The following EPHA3 variants were observed in gnomAD, a reference collection of about 807,000 sequenced individuals.
EPHA3 encodes the protein ephrin type-A receptor 3.
In EPHA3, 42 loss-of-function variants were observed where a neutral mutation model predicts 107.1. The ratio of observed to expected loss-of-function variants is 0.39; its 90% CI spans 0.31 to 0.51. The LOEUF is 0.51. EPHA3 is among the 20% of genes least tolerant of loss of function. EPHA3 has a pLI of 0.78. For missense variants in EPHA3, 1,183 were observed against 1,211.2 expected (o/e 0.98, Z 0.35); for synonymous variants, 461 against 424.8 (o/e 1.09, Z -1.05).
At chr3:89,364,800 AT>A (rs1274255086) in intron 5 of EPHA3, among the ~76,000 whole-genome samples, 1 of 151,146 alleles carries the variant, frequency 6.6e-6, no homozygotes, top group African/African-American at 2.4e-5. Flanking sequence ...TAATACAGAG[AT>A]TGTACTTAAA....
In EPHA3 at chr3:89,169,009, A is replaced by C. The variant is rs1705147777; in HGVS notation, c.154-40851A>C. On this transcript the variant is annotated intron_variant, in intron 2 of 16. Transcript: ENST00000336596. ...AGAACACAATATATTCGCATTTTTCAGTAGAATAAACACTAACAATTGTCT... is the reference window on the plus strand; with the variant it reads ...AGAACACAATATATTCGCATTTTTCCGTAGAATAAACACTAACAATTGTCT... Among the ~76,000 whole-genome samples the C allele has an allele frequency of 2.6e-5, 4 of 152,294 alleles. No individual in the cohort carries two copies. In the South Asian group the frequency reaches 8.3e-4, roughly 32 times the overall value.
intron 2 of EPHA3, among the ~76,000 whole-genome samples, chr3:89,176,208 A>C (rs1196152564): frequency 2.6e-5 from 4 of 152,140 alleles, no homozygotes; most frequent in Non-Finnish European, 5.9e-5. Context: ...GTGGCTGGAC[A>C]TGGTGGCTCA....
At chr3:89,361,493 C>T (rs1559664452) in intron 5 of EPHA3, among the ~76,000 whole-genome samples, 1 of 150,988 alleles carries the variant, frequency 6.6e-6, no homozygotes, top group Non-Finnish European at 1.5e-5. Context: ...AGCTGTGTCC[C>T]ATTACATATT....
At position 89,414,840 on chromosome 3, in the gene EPHA3, G is replaced by A. The variant is rs180879439; in HGVS notation, c.1888+1574G>A. Among the ~76,000 whole-genome samples, 3 of 151,620 alleles carry A rather than the reference G, an allele frequency of 2.0e-5. No homozygotes were observed. In the East Asian group the frequency reaches 5.8e-4, roughly 30 times the overall value. On this transcript the variant is annotated intron_variant, in intron 10 of 16. Transcript: ENST00000336596. ...CAGCTGATAAATGAGATAAGGGGAG[G>A]TCTATTTATACTGAATCACTTAATC... is the stretch of plus-strand genomic sequence containing the variant.
intron 3 of EPHA3, among the ~76,000 whole-genome samples, chr3:89,237,543 C>G (rs1372311279): frequency 6.6e-6 from 1 of 152,162 alleles, no homozygotes; most frequent in Non-Finnish European, 1.5e-5. Context: ...CTAAGAGTTT[C>G]TGCCCTATGA....
chr3:89,414,026 G>C (rs950569649), intron 10 of EPHA3, among the ~76,000 whole-genome samples: 22 of 151,512 alleles, frequency 1.5e-4, no homozygotes, highest in African/African-American at 5.1e-4. Context: ...AAAAAATTTT[G>C]TACCATCATC....
chr3:89,133,094 G>T (rs933783419), intron 2 of EPHA3, among the ~76,000 whole-genome samples: 1 of 152,100 alleles, frequency 6.6e-6, no homozygotes, highest in Non-Finnish European at 1.5e-5. Context: ...AAGCTTTGAG[G>T]TTCTCCCATT....
intron 3 of EPHA3, among the ~76,000 whole-genome samples, chr3:89,213,143 A>G (rs540969657): frequency 9.9e-5 from 15 of 152,118 alleles, no homozygotes; most frequent in African/African-American, 3.4e-4. Flanking sequence ...GTCTGTGTGC[A>G]CAATCAGAAG....
At chr3:89,291,916 A>T (rs1706215439) in intron 3 of EPHA3, among the ~76,000 whole-genome samples, 1 of 152,194 alleles carries the variant, frequency 6.6e-6, no homozygotes, top group Admixed American at 6.5e-5. Flanking sequence ...GTATGGTAGC[A>T]TCAATGTCTA....
chr3:89,224,780 C>T (rs973249422), intron 3 of EPHA3, among the ~76,000 whole-genome samples: 9 of 151,756 alleles, frequency 5.9e-5, no homozygotes, highest in African/African-American at 1.9e-4. Context: ...ATCCTGGAGG[C>T]GGAGGTTGCA....
intron 7 of EPHA3, among the ~76,000 whole-genome samples, chr3:89,401,139 A>G (rs1708953838): frequency 6.6e-6 from 1 of 152,244 alleles, no homozygotes; most frequent in Non-Finnish European, 1.5e-5. Flanking sequence ...CATTCTAGTT[A>G]TATAGTATTT....
At chr3:89,409,238 T>G (rs1459141409) in intron 9 of EPHA3, among the ~76,000 whole-genome samples, 2 of 152,054 alleles carry the variant, frequency 1.3e-5, no homozygotes, top group African/African-American at 4.8e-5. Context: ...CCAGATTAAT[T>G]AGGTGACCAA....
chr3:89,179,333 G>A (rs1455031797), intron 2 of EPHA3, among the ~76,000 whole-genome samples: 1 of 151,968 alleles, frequency 6.6e-6, no homozygotes, highest in Non-Finnish European at 1.5e-5. Context: ...TATCAGAGAA[G>A]GGGTTTTAAA....
rs1710622584 is a variant in EPHA3, at chr3:89,481,555, C to T, written c.*2053C>T. ...ACTATTCTGAGCATACTCAACAAAA[C>T]CCATGCATTTCATAAACTAATAGAA... is the stretch of plus-strand genomic sequence containing the variant. On this transcript the variant is annotated 3_prime_UTR_variant, in exon 17 of 17. Transcript: ENST00000336596. 1 of 232,332 alleles carries T rather than the reference C, an allele frequency of 4.3e-6. No homozygotes were observed. The highest frequency in any genetic ancestry group is 8.5e-6 in the Non-Finnish European group (1 of 117,500). 14.4% of individuals were successfully genotyped at this position (232,332 alleles called of 1,614,324 possible). A position where few individuals can be genotyped will look rare whatever the true frequency, so the allele number is the denominator to read the frequency against.
At chr3:89,204,480 C>CA (rs1313253213) in intron 2 of EPHA3, among the ~76,000 whole-genome samples, 17 of 149,934 alleles carry the variant, frequency 1.1e-4, no homozygotes, top group African/African-American at 3.9e-4. Flanking sequence ...ATTTGACACA[C>CA]CACACACACA....
At chr3:89,156,422 A>C (rs1193756664) in intron 2 of EPHA3, among the ~76,000 whole-genome samples, 1 of 152,094 alleles carries the variant, frequency 6.6e-6, no homozygotes, top group Non-Finnish European at 1.5e-5. Context: ...ACTGCTCTGC[A>C]ATAAATTGTT....
intron 15 of EPHA3, among the ~76,000 whole-genome samples, chr3:89,458,032 G>A (rs973405916): frequency 7.2e-5 from 11 of 152,088 alleles, no homozygotes; most frequent in African/African-American, 2.4e-4. Flanking sequence ...GAACAGGTCT[G>A]CCATGCAGAT....
Position 89,200,979 on chromosome 3 carries a change from AT to A in EPHA3, c.154-8880del, listed in dbSNP as rs148720490. On this transcript the variant is annotated intron_variant, in intron 2 of 16. Transcript: ENST00000336596. ...CCAGCCACCCCAGCCCTGAACTGGA[AT>A]AAGCAGGTGTATTAGTCTGTTTTCA... 9.9e-3 allele frequency among the ~76,000 whole-genome samples: 1,513 copies of A among 152,276 alleles called. 12 individuals carry two copies. Among genetic ancestry groups the A allele is most frequent in the East Asian group, 0.027 (142 of 5,166 alleles).
At chr3:89,476,732 G>A (rs1454213017) in intron 16 of EPHA3, among the ~76,000 whole-genome samples, 2 of 151,088 alleles carry the variant, frequency 1.3e-5, no homozygotes, top group Admixed American at 1.3e-4. Context: ...CTCAGCCTCC[G>A]GAGTAGCTGG....
Sources: allele counts gnomAD v4.1 joint callset (sites outside exome capture counted in the v4.1 genomes callset), GRCh38; gene constraint gnomAD v4.1.1; transcripts MANE v1.5; gene names NCBI Gene and HGNC (gene_info 2026-07-23, HGNC 2026-07-21).